Variants in AVEN observed in about 807,000 individuals in gnomAD.
AVEN encodes cell death regulator Aven.
In AVEN, 41 loss-of-function variants were observed where a neutral mutation model predicts 38.1. The ratio of observed to expected loss-of-function variants is 1.08; its 90% CI spans 0.84 to 1.40. The LOEUF (loss-of-function observed/expected upper bound fraction) is 1.40. AVEN is among the 40% of genes most tolerant of loss of function. The pLI is 0.00. For missense variants in AVEN, 605 were observed against 438.8 expected (o/e 1.38, Z -3.38); for synonymous variants, 206 against 171.8 (o/e 1.20, Z -1.56).
At chr15:33,939,052 A>G (rs925214323) in intron 2 of AVEN, among the ~76,000 whole-genome samples, 1 of 152,188 alleles carries the variant, frequency 6.6e-6, no homozygotes, top group African/African-American at 2.4e-5. Context: ...CATGTTGGCC[A>G]GGCTGGTCTC....
At chr15:33,875,886 A>G (rs1426635768) in intron 3 of AVEN, 39 bp downstream of exon 3, 2 of 1,566,446 alleles carry the variant, frequency 1.3e-6, no homozygotes, top group Admixed American at 3.4e-5. Context: ...TCAGCCTTGA[A>G]GAAGAGCCAG....
chr15:33,982,071 T>G (rs1896176063), intron 2 of AVEN, among the ~76,000 whole-genome samples: 1 of 151,894 alleles, frequency 6.6e-6, no homozygotes, highest in Admixed American at 6.6e-5. Flanking sequence ...TTCACCACAC[T>G]GGCCAGGCTG....
At position 33,866,680 on chromosome 15, in the gene AVEN, T is replaced by C; in HGVS notation, c.1022A>G (p.Gln341Arg). 3 of 1,614,108 alleles carry C rather than the reference T, an allele frequency of 1.9e-6. No individual in the cohort carries two copies. The highest frequency in any genetic ancestry group is 2.5e-6 in the Non-Finnish European group (3 of 1,179,952). The change falls in exon 6 of 6, where the codon CAA becomes CGA. Residue 341 changes from glutamine to arginine, a missense_variant. Coordinates refer to ENST00000306730, the MANE Select transcript of AVEN (RefSeq NM_020371.3). ...GGTAACATTTTTGGAGGTACTTGGT[T>C]GCTCAGGTTCCATGTTTTTTTCTTC... ...VTEEKNMEPEQPSTSKNVTEE... is the reference protein window; with the variant it reads ...VTEEKNMEPERPSTSKNVTEE...
intron 2 of AVEN, among the ~76,000 whole-genome samples, chr15:33,892,093 T>G (rs1339132963): frequency 6.6e-6 from 1 of 152,176 alleles, no homozygotes; most frequent in African/African-American, 2.4e-5. Context: ...TTCTTGTAAA[T>G]TTGTTTGAGT....
chr15:34,005,395 G>A (rs538957196), intron 1 of AVEN, among the ~76,000 whole-genome samples: 5 of 152,144 alleles, frequency 3.3e-5, no homozygotes. Context: ...ACAAGGCCAG[G>A]CTAGGTCTGT....
intron 5 of AVEN, among the ~76,000 whole-genome samples, chr15:34,047,323 C>T (rs1275647978): frequency 1.3e-5 from 2 of 152,146 alleles, no homozygotes; most frequent in Non-Finnish European, 2.9e-5. Context: ...ATGATCCGCC[C>T]GTGTCAGCCT....
chr15:33,945,210 A>T (rs749006609), intron 2 of AVEN, among the ~76,000 whole-genome samples: 1 of 152,182 alleles, frequency 6.6e-6, no homozygotes, highest in Non-Finnish European at 1.5e-5. Flanking sequence ...CACAAGAGAC[A>T]TTTCGCTTAT....
chr15:34,069,047 A>G (rs897329792), intron 2 of AVEN, among the ~76,000 whole-genome samples: 2 of 151,476 alleles, frequency 1.3e-5, no homozygotes, highest in African/African-American at 2.4e-5. Flanking sequence ...TCCTGACCTC[A>G]TGATCCACCC....
intron 3 of AVEN, among the ~76,000 whole-genome samples, chr15:33,874,329 G>A (rs1200615800): frequency 6.6e-6 from 1 of 152,062 alleles, no homozygotes; most frequent in Non-Finnish European, 1.5e-5. Context: ...TGAAACTGCT[G>A]GTACTAACTA....
intron 2 of AVEN, among the ~76,000 whole-genome samples, chr15:33,930,419 A>G (rs2153050528): frequency 6.6e-6 from 1 of 152,348 alleles, no homozygotes; most frequent in Admixed American, 6.5e-5. Flanking sequence ...AGCCAAGTAA[A>G]CATCAGGTCC....
chr15:33,853,256 C>T, the AVEN span, among the ~76,000 whole-genome samples: 6 of 152,148 alleles, frequency 3.9e-5, no homozygotes, highest in African/African-American at 1.2e-4. Flanking sequence ...AGGTTTTTGG[C>T]TTCATTCATA....
intron 2 of AVEN, among the ~76,000 whole-genome samples, chr15:33,906,949 T>TG (rs200563462): frequency 2.7e-5 from 4 of 150,510 alleles, no homozygotes; most frequent in South Asian, 4.2e-4. Flanking sequence ...AAAAGGGGTG[T>TG]GGGGGGGAAG....
chr15:33,874,776 G>C (rs1030200838), intron 3 of AVEN, among the ~76,000 whole-genome samples: 4 of 152,176 alleles, frequency 2.6e-5, no homozygotes, highest in Non-Finnish European at 4.4e-5. Flanking sequence ...TCTATGTTTT[G>C]ATGAATGACG....
chr15:34,030,548 G>C (rs1335088544), intron 1 of AVEN, among the ~76,000 whole-genome samples: 1 of 151,926 alleles, frequency 6.6e-6, no homozygotes, highest in Non-Finnish European at 1.5e-5. Context: ...GGGTTTCATT[G>C]TGTTAGGCTG....
At chr15:33,997,850 C>T (rs1430450558) in intron 2 of AVEN, among the ~76,000 whole-genome samples, 1 of 152,196 alleles carries the variant, frequency 6.6e-6, no homozygotes, top group Non-Finnish European at 1.5e-5. Context: ...ACCCATACAG[C>T]ACAATATGAG....
At chr15:34,062,981 C>T in exon 5 of AVEN, 1 of 1,614,152 alleles carries the variant, frequency 6.2e-7, no homozygotes, top group Non-Finnish European at 8.5e-7. Flanking sequence ...ACCTCTACAC[C>T]ACCTACATCC....
chr15:33,911,912 T>A (rs1300103123), intron 2 of AVEN, among the ~76,000 whole-genome samples: 2 of 152,180 alleles, frequency 1.3e-5, no homozygotes, highest in Non-Finnish European at 2.9e-5. Context: ...AGGTATGAAC[T>A]GCAAGTCAGT....
At chr15:33,854,562 A>G (rs2079444042), downstream of AVEN, 2 of 1,074,906 alleles carry the variant, frequency 1.9e-6, no homozygotes, top group Non-Finnish European at 2.7e-6. Flanking sequence ...TCAAAGACCA[A>G]GAGCCTTATA....
chr15:34,006,490 G>T (rs552979594), intron 1 of AVEN, among the ~76,000 whole-genome samples: 1 of 152,278 alleles, frequency 6.6e-6, no homozygotes, highest in East Asian at 1.9e-4. Context: ...GAACACAGCT[G>T]TAACACATGG....
Sources: allele counts gnomAD v4.1 joint callset (sites outside exome capture counted in the v4.1 genomes callset), GRCh38; gene constraint gnomAD v4.1.1; transcripts MANE v1.5; gene names NCBI Gene and HGNC (gene_info 2026-07-23, HGNC 2026-07-21).